The following CPEB2 variants were observed in gnomAD, a reference collection of about 807,000 sequenced individuals.
The protein encoded by CPEB2 is cytoplasmic polyadenylation element-binding protein 2.
Under a neutral mutation model 93.6 loss-of-function variants are expected in CPEB2, and 56 were observed. The ratio of observed to expected loss-of-function variants is 0.60; its 90% CI spans 0.48 to 0.75. The LOEUF (loss-of-function observed/expected upper bound fraction) is 0.75, where lower values mean the gene tolerates loss of function less well. Ranked by LOEUF, CPEB2 falls within the 30% of genes least tolerant of loss-of-function variation. CPEB2 has a pLI of 0.00. For synonymous variants in CPEB2, 764 were observed against 586.3 expected (o/e 1.30, Z -4.38); for missense variants, 1,579 against 1,395.1 (o/e 1.13, Z -2.10).
rs1434347675 is a variant in CPEB2, at chr4:15,004,294, G to C, written c.1621G>C (p.Ala541Pro). The C allele has an allele frequency of 7.4e-6, 11 of 1,490,054 alleles. No homozygotes were observed. The highest frequency in any genetic ancestry group is 9.8e-6 in the Non-Finnish European group (11 of 1,127,648). The allele number at this position is 1,490,054 out of a possible 1,614,324, so 92.3% of individuals were successfully genotyped here. The change falls in exon 1 of 12, where the codon GCC becomes CCC. Residue 541 changes from alanine to proline, a missense_variant. Coordinates refer to ENST00000538197, the MANE Select transcript of CPEB2 (RefSeq NM_001177382.2). ...QLQQQHQAAA[A>P]AFLQQRNSYN... Reference sequence around the variant, plus strand: ...CCAGCAGCAGCACCAGGCGGCGGCCGCCGCCTTCCTGCAGCAGAGGAACTC... The same window carrying C: ...CCAGCAGCAGCACCAGGCGGCGGCCCCCGCCTTCCTGCAGCAGAGGAACTC...
At position 15,011,892 on chromosome 4, in the gene CPEB2, C is replaced by T. The variant is rs1285288759; in HGVS notation, c.2034+3465C>T. 3.3e-5 allele frequency among the ~76,000 whole-genome samples: 5 copies of T among 152,136 alleles called. No individual in the cohort carries two copies. The East Asian group carries it at 9.6e-4, about 29-fold the overall frequency. ...CTCTCAATTTTTGCTCTTCCACAAG[C>T]TCTACTTGCAGTGCTTGAGCATGTC... On this transcript the variant is annotated intron_variant, in intron 3 of 11. Coordinates refer to ENST00000538197, the MANE Select transcript of CPEB2 (RefSeq NM_001177382.2).
At chr4:15,041,551 T>C (rs2604577) in intron 6 of CPEB2, among the ~76,000 whole-genome samples, 36,834 of 151,748 alleles carry the variant, frequency 0.24, 6,561 homozygotes, top group African/African-American at 0.5. Context: ...TACAGGCATG[T>C]GCCACCACAC....
intron 11 of CPEB2, 100 bp from the exon 12 acceptor site, chr4:15,066,053 A>T: frequency 1.0e-6 from 1 of 1,002,140 alleles, no homozygotes; most frequent in Non-Finnish European, 1.5e-6. Flanking sequence ...CTCAGCTTTT[A>T]ATGCTGGTCC....
intron 4 of CPEB2, among the ~76,000 whole-genome samples, chr4:15,021,493 A>C (rs1432141402): frequency 2.6e-5 from 4 of 152,124 alleles, no homozygotes; most frequent in Non-Finnish European, 5.9e-5. Flanking sequence ...CCCTGCCCCC[A>C]ACAATTTGTA....
chr4:15,056,494 T>A (rs1728725183), intron 8 of CPEB2, among the ~76,000 whole-genome samples: 1 of 152,238 alleles, frequency 6.6e-6, no homozygotes, highest in South Asian at 2.1e-4. Flanking sequence ...TTTTGCAGTA[T>A]TTAGTTTCTC....
At chr4:15,022,573 A>T (rs1724933472) in intron 4 of CPEB2, among the ~76,000 whole-genome samples, 1 of 152,090 alleles carries the variant, frequency 6.6e-6, no homozygotes, top group East Asian at 1.9e-4. Context: ...AGTAGAATTG[A>T]CATTCTTTTT....
intron 4 of CPEB2, among the ~76,000 whole-genome samples, chr4:15,026,554 A>C (rs1725502168): frequency 6.6e-6 from 1 of 151,988 alleles, no homozygotes; most frequent in Non-Finnish European, 1.5e-5. Context: ...TCTTTCACAT[A>C]ATCTTTCACA....
chr4:15,022,245 A>G (rs114343106), intron 4 of CPEB2, among the ~76,000 whole-genome samples: 3,044 of 152,012 alleles, frequency 0.02, 41 homozygotes, highest in South Asian at 0.051. Flanking sequence ...AAAGCTGTGA[A>G]AGTTTAATGG....
At chr4:15,011,514 A>G (rs1202849885) in intron 3 of CPEB2, among the ~76,000 whole-genome samples, 1 of 152,096 alleles carries the variant, frequency 6.6e-6, no homozygotes, top group African/African-American at 2.4e-5. Flanking sequence ...TTATATTACA[A>G]TGGAATTTGC....
chr4:15,013,808 A>G (rs1226985989), intron 3 of CPEB2, among the ~76,000 whole-genome samples: 4 of 152,084 alleles, frequency 2.6e-5, no homozygotes, highest in Admixed American at 2.6e-4. Flanking sequence ...AAGTACAACC[A>G]AGCTAATCAT....
chr4:15,047,126 C>T (rs560894211), intron 6 of CPEB2, among the ~76,000 whole-genome samples: 5 of 152,228 alleles, frequency 3.3e-5, no homozygotes, highest in Admixed American at 2.6e-4. Context: ...TATTATGTTC[C>T]ATTTATCTGT....
At position 15,067,840 on chromosome 4, in the gene CPEB2, G is replaced by T. The variant is rs1472040930; in HGVS notation, c.*1460G>T. On this transcript the variant is annotated 3_prime_UTR_variant, in exon 12 of 12. Coordinates refer to ENST00000538197, the MANE Select transcript of CPEB2 (RefSeq NM_001177382.2). ...GCATGGAACATTGTTCTTAATAGTT[G>T]AGAATTGCTTTTTTGAAAATTTTCA... 2 of 152,326 alleles carry T rather than the reference G, an allele frequency of 1.3e-5. No homozygotes were observed. Among genetic ancestry groups the T allele is most frequent in the East Asian group, 3.9e-4 (2 of 5,160 alleles). 9.4% of individuals were successfully genotyped at this position (152,326 alleles called of 1,614,324 possible).
At chr4:15,016,099 G>T (rs1038920509) in intron 3 of CPEB2, among the ~76,000 whole-genome samples, 4 of 151,888 alleles carry the variant, frequency 2.6e-5, no homozygotes, top group African/African-American at 7.2e-5. Flanking sequence ...GCCTTATTTT[G>T]ATTTCTATGG....
chr4:15,058,956 C>T (rs1402662312), intron 9 of CPEB2, among the ~76,000 whole-genome samples: 1 of 152,154 alleles, frequency 6.6e-6, no homozygotes, highest in African/African-American at 2.4e-5. Context: ...CCACCACCTC[C>T]ATCCTTAGAA....
At chr4:15,022,564 G>A (rs1223044240) in intron 4 of CPEB2, among the ~76,000 whole-genome samples, 5 of 151,950 alleles carry the variant, frequency 3.3e-5, no homozygotes, top group Non-Finnish European at 7.4e-5. Context: ...AAAGGAGTAA[G>A]TAGAATTGAC....
chr4:15,038,879 G>A (rs942058678), intron 5 of CPEB2, among the ~76,000 whole-genome samples: 2 of 152,074 alleles, frequency 1.3e-5, no homozygotes, highest in African/African-American at 2.4e-5. Flanking sequence ...ATGACCACCC[G>A]TGTGTAGCTC....
At chr4:15,004,698 C>T (rs1204279406) in intron 1 of CPEB2, among the ~76,000 whole-genome samples, 1 of 151,838 alleles carries the variant, frequency 6.6e-6, no homozygotes, top group Non-Finnish European at 1.5e-5. Context: ...TCAACCCGGC[C>T]CTCCTAGCTG....
At chr4:15,055,140 A>G (rs1728592915) in intron 8 of CPEB2, among the ~76,000 whole-genome samples, 1 of 152,212 alleles carries the variant, frequency 6.6e-6, no homozygotes, top group African/African-American at 2.4e-5. Flanking sequence ...ACTTTCTGCC[A>G]TTGAGAATTA....
Position 15,066,357 on chromosome 4 carries a change from C to G in CPEB2, c.3082C>G (p.Gln1028Glu). The change falls in exon 12 of 12, where the codon CAG becomes GAG. Residue 1028 changes from glutamine (Q) to glutamate (E), a missense_variant. This residue lies in a region of CPEB2 where 168 missense variants were observed against 339.1 expected (regional missense o/e 0.50). Transcript: ENST00000538197. ...LVKEGADRPR[Q>E]IHFRWN ...AAAGGAAGGTGCTGATCGCCCACGT[C>G]AGATCCACTTCCGCTGGAACTAAGA... The G allele has an allele frequency of 6.2e-7, 1 of 1,609,166 alleles. No homozygotes were observed. The highest frequency in any genetic ancestry group is 8.5e-7 in the Non-Finnish European group (1 of 1,177,222).
Sources: allele counts gnomAD v4.1 joint callset (sites outside exome capture counted in the v4.1 genomes callset), GRCh38; gene constraint gnomAD v4.1.1; regional missense constraint gnomAD v4.1.1; transcripts MANE v1.5; gene names NCBI Gene and HGNC (gene_info 2026-07-23, HGNC 2026-07-21).